The following BOD1L1 variants were observed in gnomAD, a reference collection of about 807,000 sequenced individuals.
BOD1L1 encodes the protein biorientation of chromosomes in cell division protein 1-like 1.
A neutral mutation model predicts 240.7 loss-of-function variants in BOD1L1; 86 were observed. The observed-to-expected ratio is 0.36, with a 90% CI of 0.30 to 0.43. The LOEUF is 0.43. BOD1L1 is among the 20% of genes least tolerant of loss of function. BOD1L1 has a pLI of 1.00. For missense variants in BOD1L1, 3,554 were observed against 3,643.5 expected (o/e 0.98, Z 0.63); for synonymous variants, 1,268 against 1,272.3 (o/e 1.00, Z 0.07).
chr4:13,602,193 G>A lies in BOD1L1; in HGVS notation c.4707C>T (p.Ser1569=). ...CACCAACATGAAGAGGATTATTTCTGGAATGTGTTCCTATTATGAGGCCTT... is the reference window on the plus strand; with the variant it reads ...CACCAACATGAAGAGGATTATTTCTAGAATGTGTTCCTATTATGAGGCCTT... The part of the protein sequence containing the change: ...ADEGLIIGTH[S]RNNPLHVGAE... The change falls in exon 10 of 26, where the codon TCC becomes TCT. Residue 1569 remains serine, a synonymous_variant. Coordinates refer to ENST00000040738, the MANE Select transcript of BOD1L1 (RefSeq NM_148894.3). 2 of 1,613,732 alleles carry A rather than the reference G, an allele frequency of 1.2e-6. No individual in the cohort carries two copies. Among genetic ancestry groups the A allele is most frequent in the Non-Finnish European group, 1.7e-6 (2 of 1,179,740 alleles).
rs751112519 is a variant in BOD1L1 at position 13,599,331 on chromosome 4, A to T, written c.7569T>A (p.Ile2523=). The change falls in exon 10 of 26, where the codon ATT becomes ATA. Residue 2523 remains isoleucine, a synonymous_variant. Coordinates refer to ENST00000040738, the MANE Select transcript of BOD1L1 (RefSeq NM_148894.3). ...CGGTGTTTACTGCTGCCAAATAGCGAATGCTGACAGAGGGATCCTTAGCCG... is the reference window on the plus strand; with the variant it reads ...CGGTGTTTACTGCTGCCAAATAGCGTATGCTGACAGAGGGATCCTTAGCCG... ...GQTAKDPSVS[I]RYLAAVNTGA... is the part of the protein sequence containing the mutation. The T allele has an allele frequency of 2.2e-5, 36 of 1,613,142 alleles. No homozygotes were observed. The highest frequency in any genetic ancestry group is 3.0e-5 in the Non-Finnish European group (35 of 1,179,872).
Position 13,581,008 on chromosome 4 carries a change from G to A in BOD1L1, c.8703+12C>T, listed in dbSNP as rs1473702911. 15 of 1,569,112 alleles carry A rather than the reference G, an allele frequency of 9.6e-6. No individual in the cohort carries two copies. The highest frequency in any genetic ancestry group is 1.2e-5 in the Non-Finnish European group (14 of 1,156,474). ...CAAGTATTTGAAATTGTCATGTTTT[G>A]CAATTACTTACAGTGACAATGCCAG... is the stretch of plus-strand genomic sequence containing the variant. On this transcript the variant is annotated intron_variant, in intron 21 of 25. Coordinates refer to ENST00000040738, the MANE Select transcript of BOD1L1 (RefSeq NM_148894.3).
chr4:13,588,740 A>G lies in BOD1L1; in HGVS notation c.8262T>C (p.Val2754=), dbSNP rs1713930837. ...DNAEAISGHS[V]EADPKEVEEE... The stretch of plus-strand genomic sequence containing the variant: ...AATGCACCTCTTTAGGATCTGCTTC[A>G]ACACTGTGACCGCTTATGGCTTCTG... Residue 2754 remains valine, a synonymous_variant, in exon 15 of 26, where the codon GTT becomes GTC. Coordinates refer to ENST00000040738, the MANE Select transcript of BOD1L1 (RefSeq NM_148894.3). 6.2e-7 allele frequency: 1 copy of G among 1,605,320 alleles called. No individual in the cohort carries two copies.
Position 13,602,085 on chromosome 4 carries a change from G to T in BOD1L1, c.4815C>A (p.Thr1605=). The T allele has an allele frequency of 6.2e-7, 1 of 1,614,018 alleles. No individual in the cohort carries two copies. Among genetic ancestry groups the T allele is most frequent in the South Asian group, 1.1e-5 (1 of 91,088 alleles). ...VVTEGFAESE[T]FLTSTKEGES... ...CCCCTTCCTTAGTGCTTGTGAGGAA[G>T]GTTTCACTTTCAGCAAATCCCTCTG... Residue 1605 remains threonine (T), a synonymous_variant, in exon 10 of 26, where the codon ACC becomes ACA. Transcript: ENST00000040738.
At chr4:13,606,494 CAA>C (rs1715711399) in intron 9 of BOD1L1, among the ~76,000 whole-genome samples, 1 of 152,028 alleles carries the variant, frequency 6.6e-6, no homozygotes, top group South Asian at 2.1e-4. Context: ...ACAGTGAAAG[CAA>C]AAGTTTGTCC....
chr4:13,617,563 C>T (rs1350777800), intron 2 of BOD1L1, among the ~76,000 whole-genome samples: 5 of 152,216 alleles, frequency 3.3e-5, no homozygotes, highest in African/African-American at 1.2e-4. Context: ...GTTAAAGTTA[C>T]TTCCTTGTCT....
intron 15 of BOD1L1, 116 bp downstream of exon 15, chr4:13,588,606 A>G: frequency 1.3e-6 from 1 of 770,772 alleles, no homozygotes; most frequent in Non-Finnish European, 2.0e-6. Context: ...AACTCTCAGT[A>G]TACCCATTTA....
At chr4:13,588,886 GAGTT>G in intron 14 of BOD1L1, 94 bp from the exon 15 acceptor site, 1 of 851,292 alleles carries the variant, frequency 1.2e-6, no homozygotes, top group Non-Finnish European at 1.8e-6. Flanking sequence ...GGAGAAAACT[GAGTT>G]AGTAACTTTA....
intron 25 of BOD1L1, among the ~76,000 whole-genome samples, chr4:13,574,045 T>C (rs914265289): frequency 6.6e-6 from 1 of 151,984 alleles, no homozygotes; most frequent in East Asian, 1.9e-4. Context: ...AGGGGCTCAA[T>C]AAGCAAGCAG....
At chr4:13,581,326 T>G in intron 19 of BOD1L1, 119 bp from the exon 20 acceptor site, 1 of 680,446 alleles carries the variant, frequency 1.5e-6, no homozygotes, top group South Asian at 2.2e-5. Flanking sequence ...AAATCCTAGC[T>G]TTGTCACTTT....
chr4:13,608,486 CA>C, intron 8 of BOD1L1, 43 bp downstream of exon 8: 1 of 1,443,608 alleles, frequency 6.9e-7, no homozygotes, highest in Non-Finnish European at 9.1e-7. Context: ...TGAAAGCACC[CA>C]GGGGAGTGTT....
Position 13,610,936 on chromosome 4 carries a change from T to C in BOD1L1, c.1489A>G (p.Ile497Val), listed in dbSNP as rs371709393. The change falls in exon 6 of 26, where the codon ATT (isoleucine) becomes GTT (valine). Residue 497 changes from isoleucine to valine, a missense_variant and splice_region_variant. Physicochemically the swap from Ile to Val is conservative, Grantham distance 29. Coordinates refer to ENST00000040738, the MANE Select transcript of BOD1L1 (RefSeq NM_148894.3). ...ELTVEQRRQSIAKEKEERLLR... is the reference protein window; with the variant it reads ...ELTVEQRRQSVAKEKEERLLR... Reference sequence around the variant, plus strand: ...ATAACAGAACAAACTGGACTTACAATGGACTGTCGTCGTTGTTCTACAGTA... The same window carrying C: ...ATAACAGAACAAACTGGACTTACAACGGACTGTCGTCGTTGTTCTACAGTA... 1.9e-6 allele frequency: 3 copies of C among 1,596,620 alleles called. No individual in the cohort carries two copies. In the African/African-American group the frequency reaches 4.1e-5, roughly 22 times the overall value.
chr4:13,583,189 T>G (rs1577319384), intron 17 of BOD1L1, among the ~76,000 whole-genome samples: 1 of 152,188 alleles, frequency 6.6e-6, no homozygotes, highest in African/African-American at 2.4e-5. Context: ...AGCAGTGATC[T>G]TTCAGCAATT....
chr4:13,581,050 G>A lies in BOD1L1; in HGVS notation c.8673C>T (p.Asp2891=), dbSNP rs745935081. ...YPVETTLKMK[D]DSKTDTGIVT... Reference sequence around the variant, plus strand: ...CAATGCCAGTATCTGTTTTGGAGTCGTCTTCTAAAAAAAAAAAATTCACTT... The same window carrying A: ...CAATGCCAGTATCTGTTTTGGAGTCATCTTCTAAAAAAAAAAAATTCACTT... Residue 2891 remains aspartate, a synonymous_variant, in exon 21 of 26, where the codon GAC becomes GAT. Coordinates refer to ENST00000040738, the MANE Select transcript of BOD1L1 (RefSeq NM_148894.3). The A allele has an allele frequency of 7.0e-6, 11 of 1,567,672 alleles. No individual in the cohort carries two copies. Among genetic ancestry groups the A allele is most frequent in the Middle Eastern group, 1.9e-4 (1 of 5,370 alleles).
At chr4:13,582,125 C>T (rs565928521) in intron 19 of BOD1L1, 112 bp downstream of exon 19, 89 of 796,536 alleles carry the variant, frequency 1.1e-4, no homozygotes, top group African/African-American at 4.7e-4. Context: ...CTAAAAAAAC[C>T]GCAGCTTCTT....
chr4:13,585,709 G>C lies in BOD1L1; in HGVS notation c.8433+687C>G, dbSNP rs141914019. Among the ~76,000 whole-genome samples the C allele has an allele frequency of 7.2e-5, 11 of 152,260 alleles. No homozygotes were observed. In the East Asian group the frequency reaches 2.1e-3, roughly 29 times the overall value. The stretch of plus-strand genomic sequence containing the variant: ...ATTATAGGTCCCATAATCCCCACTT[G>C]TAGTGGGAAGGATGCAGTGGGAGGT... On this transcript the variant is annotated intron_variant, in intron 17 of 25. Coordinates refer to ENST00000040738, the MANE Select transcript of BOD1L1 (RefSeq NM_148894.3).
intron 25 of BOD1L1, among the ~76,000 whole-genome samples, chr4:13,570,940 T>C (rs1037681402): frequency 4.6e-5 from 7 of 152,226 alleles, no homozygotes; most frequent in African/African-American, 1.7e-4. Context: ...TTGTGATTCA[T>C]CTGCTGTGTT....
Position 13,569,304 on chromosome 4 carries a change from T to C in BOD1L1, c.*707A>G, listed in dbSNP as rs1021286505. 3.3e-5 allele frequency: 5 copies of C among 152,146 alleles called. No individual in the cohort carries two copies. Among genetic ancestry groups the C allele is most frequent in the Admixed American group, 1.3e-4 (2 of 15,274 alleles). 9.4% of individuals were successfully genotyped at this position (152,146 alleles called of 1,614,324 possible). A position where few individuals can be genotyped will look rare whatever the true frequency, so the allele number is the denominator to read the frequency against. ...TGTGTCAACGTGGCTGGTAGTAAAG[T>C]CACAGATGCAAGTATAATCTAAAAA... On this transcript the variant is annotated 3_prime_UTR_variant, in exon 26 of 26. Transcript: ENST00000040738.
In BOD1L1 at chr4:13,599,477, T is replaced by C; in HGVS notation, c.7423A>G (p.Ser2475Gly). The change falls in exon 10 of 26, where the codon AGC (serine) becomes GGC (glycine). Residue 2475 changes from serine (S) to glycine (G), a missense_variant. Ser to Gly is a moderately conservative substitution (Grantham distance 56, BLOSUM62 0). Around this residue, in one of 2 missense-constraint regions of BOD1L1, gnomAD observed 3,393 missense variants for 3,427.1 expected, o/e 0.99. Coordinates refer to ENST00000040738, the MANE Select transcript of BOD1L1 (RefSeq NM_148894.3). The stretch of plus-strand genomic sequence containing the variant: ...CCCCCTGCTGTCCCTGTCTCTGGGC[T>C]CTTATCTTCTTTCTGAAGGGAGTTC... ...LLNSLQKEDK[S>G]PETGTAGGSS... 1 of 1,614,012 alleles carries C rather than the reference T, an allele frequency of 6.2e-7. No homozygotes were observed. The highest frequency in any genetic ancestry group is 1.6e-4 in the Middle Eastern group (1 of 6,062).
Sources: gnomAD v4.1 joint callset for allele counts (sites outside exome capture counted in the v4.1 genomes callset) on GRCh38, gnomAD v4.1.1 for gene constraint, gnomAD v4.1.1 regional missense constraint, MANE v1.5 for transcripts, NCBI Gene and HGNC (gene_info 2026-07-23, HGNC 2026-07-21) for gene names.